Variants in LINC01488 observed in about 807,000 individuals in gnomAD.
The protein encoded by LINC01488 is long independently transcribed non-coding RNA 1488.
At position 69,483,858 on chromosome 11, in the gene LINC01488, C is replaced by T. The variant is rs564722963; in HGVS notation, n.122+2075C>T. Among the ~76,000 whole-genome samples the T allele has an allele frequency of 9.9e-5, 15 of 152,224 alleles. No individual in the cohort carries two copies. In the East Asian group the frequency reaches 1.4e-3, roughly 14 times the overall value. Reference sequence around the variant, plus strand: ...GCGGGCAGCAAATGAAGACAGCTGCCGAGGCGGGTGCCTCCCGGTGGGCTG... The same window carrying T: ...GCGGGCAGCAAATGAAGACAGCTGCTGAGGCGGGTGCCTCCCGGTGGGCTG... On this transcript the variant is annotated intron_variant and non_coding_transcript_variant, in intron 1 of 3. Transcript: ENST00000644563.
chr11:69,492,314 A>G (rs1317197976), exon 4 of LINC01488: 3 of 152,252 alleles, frequency 2.0e-5, no homozygotes, highest in Admixed American at 6.5e-5. Context: ...GCCTCCCGCA[A>G]AGATGCCCCA....
intron 1 of LINC01488, among the ~76,000 whole-genome samples, chr11:69,485,353 C>A (rs1256449458): frequency 6.6e-6 from 1 of 152,186 alleles, no homozygotes; most frequent in Non-Finnish European, 1.5e-5. Context: ...CTCAGGAGTT[C>A]TTGGAGTCAG....
intron 3 of LINC01488, chr11:69,491,707 G>A (rs1857223142): frequency 6.6e-6 from 1 of 152,602 alleles, no homozygotes; most frequent in African/African-American, 2.4e-5. Context: ...ACCAATCTGT[G>A]TGGAGCGCCC....
chr11:69,489,444 G>A (rs1273123656), intron 1 of LINC01488, among the ~76,000 whole-genome samples: 1 of 152,242 alleles, frequency 6.6e-6, no homozygotes, highest in African/African-American at 2.4e-5. Flanking sequence ...TGTCCTCCCT[G>A]CCCTGGCAGC....
At chr11:69,489,093 C>T (rs1857172256) in intron 1 of LINC01488, among the ~76,000 whole-genome samples, 1 of 152,234 alleles carries the variant, frequency 6.6e-6, no homozygotes, top group South Asian at 2.1e-4. Context: ...CATTCAGAAC[C>T]TGCACACCAC....
intron 2 of LINC01488, chr11:69,490,715 G>C (rs531132331): frequency 6.2e-4 from 94 of 152,356 alleles, no homozygotes; most frequent in African/African-American, 2.0e-3. Flanking sequence ...CCACATCCTA[G>C]GGTTATACTT....
chr11:69,483,391 G>A (rs950176873), intron 1 of LINC01488, among the ~76,000 whole-genome samples: 1 of 152,128 alleles, frequency 6.6e-6, no homozygotes, highest in African/African-American at 2.4e-5. Flanking sequence ...TGGACTTCAG[G>A]TTCCTTCTCT....
At chr11:69,486,997 T>A in intron 1 of LINC01488, among the ~76,000 whole-genome samples, 1 of 151,640 alleles carries the variant, frequency 6.6e-6, no homozygotes. Context: ...TGCTGGGGGG[T>A]CCTGGCCCCT....
intron 1 of LINC01488, chr11:69,490,469 A>G (rs1857202984): frequency 6.6e-6 from 1 of 152,228 alleles, no homozygotes; most frequent in Non-Finnish European, 1.5e-5. Flanking sequence ...AATACAATTC[A>G]CCGATGAATC....
intron 1 of LINC01488, among the ~76,000 whole-genome samples, chr11:69,489,297 G>A (rs1461511824): frequency 6.6e-6 from 1 of 152,142 alleles, no homozygotes; most frequent in African/African-American, 2.4e-5. Flanking sequence ...AAACTGAAAT[G>A]AGGGAGCTCA....
intron 1 of LINC01488, among the ~76,000 whole-genome samples, chr11:69,482,954 C>T (rs1857063328): frequency 6.6e-6 from 1 of 152,194 alleles, no homozygotes; most frequent in Non-Finnish European, 1.5e-5. Flanking sequence ...CTGGTGACCT[C>T]CTTTTAATTT....
intron 1 of LINC01488, among the ~76,000 whole-genome samples, chr11:69,489,013 C>T (rs1181631750): frequency 2.6e-5 from 4 of 152,226 alleles, no homozygotes; most frequent in African/African-American, 9.6e-5. Flanking sequence ...AGAAAAGGCT[C>T]ATGGGAAAGA....
intron 1 of LINC01488, among the ~76,000 whole-genome samples, chr11:69,489,891 T>A (rs1174996785): frequency 6.6e-6 from 1 of 152,148 alleles, no homozygotes; most frequent in East Asian, 1.9e-4. Context: ...GAGGGTAAGC[T>A]TCCAGGGTCA....
exon 4 of LINC01488, chr11:69,492,176 G>A (rs1857233227): frequency 6.6e-6 from 1 of 152,274 alleles, no homozygotes; most frequent in South Asian, 2.1e-4. Context: ...CGAGGAGTTG[G>A]GGTAGTCCTC....
intron 1 of LINC01488, among the ~76,000 whole-genome samples, chr11:69,489,462 G>A (rs1258379181): frequency 6.6e-6 from 1 of 152,234 alleles, no homozygotes; most frequent in African/African-American, 2.4e-5. Context: ...AGCATGCAGG[G>A]ACCCCAAACC....
intron 1 of LINC01488, among the ~76,000 whole-genome samples, chr11:69,489,056 G>A (rs1857171763): frequency 6.6e-6 from 1 of 151,200 alleles, no homozygotes; most frequent in South Asian, 2.1e-4. Context: ...AAAGGTAATG[G>A]GAAGCTATGC....
chr11:69,491,928 C>T (rs1238494286), intron 3 of LINC01488: 3 of 153,222 alleles, frequency 2.0e-5, no homozygotes, highest in East Asian at 1.9e-4. Flanking sequence ...GCCCAGGAGG[C>T]GGGAGCGGCC....
exon 4 of LINC01488, chr11:69,492,186 C>T (rs1248290402): frequency 3.3e-5 from 5 of 152,242 alleles, no homozygotes; most frequent in Non-Finnish European, 7.3e-5. Context: ...GGGTAGTCCT[C>T]CAGGGAGACA....
At chr11:69,491,388 T>C (rs1389818777) in exon 3 of LINC01488, 1 of 152,262 alleles carries the variant, frequency 6.6e-6, no homozygotes, top group Non-Finnish European at 1.5e-5. Context: ...TGGAAGGACC[T>C]TGCTTATCCC....
Sources: gnomAD v4.1 joint callset for allele counts (sites outside exome capture counted in the v4.1 genomes callset) on GRCh38, gnomAD v4.1.1 for gene constraint, MANE v1.5 for transcripts, NCBI Gene and HGNC (gene_info 2026-07-23, HGNC 2026-07-21) for gene names.